The following LRRTM3 variants were observed in gnomAD, a reference collection of about 807,000 sequenced individuals.
The protein encoded by LRRTM3 is leucine rich repeat transmembrane neuronal 3.
Under a neutral mutation model 44.7 loss-of-function variants are expected in LRRTM3, and 24 were observed. The observed-to-expected ratio is 0.54, with a 90% CI of 0.39 to 0.76. The LOEUF (loss-of-function observed/expected upper bound fraction) is 0.76. LRRTM3 is among the 30% of genes least tolerant of loss of function. The pLI, the probability that LRRTM3 is intolerant of heterozygous loss-of-function variation, is 0.00. For missense variants in LRRTM3, 587 were observed against 702.2 expected (o/e 0.84, Z 1.85); for synonymous variants, 277 against 278.7 (o/e 0.99, Z 0.06).
At chr10:66,937,630 T>C (rs542452712) in intron 2 of LRRTM3, among the ~76,000 whole-genome samples, 1 of 152,222 alleles carries the variant, frequency 6.6e-6, no homozygotes, top group South Asian at 2.1e-4. Context: ...TGGTAGTACA[T>C]AAAACCAATG....
intron 2 of LRRTM3, among the ~76,000 whole-genome samples, chr10:66,933,780 A>G (rs1353983153): frequency 6.6e-6 from 1 of 152,214 alleles, no homozygotes; most frequent in Non-Finnish European, 1.5e-5. Flanking sequence ...GCAAAATTAC[A>G]TCATTAATTC....
intron 2 of LRRTM3, among the ~76,000 whole-genome samples, chr10:66,957,401 TATATATATATATGC>T (rs1190642995): frequency 2.6e-4 from 8 of 30,612 alleles, no homozygotes; most frequent in African/African-American, 1.9e-3. Context: ...TACATATATA[TATATATATATATGC>T]ATATATATAT....
intron 2 of LRRTM3, among the ~76,000 whole-genome samples, chr10:66,956,258 G>T (rs1848787049): frequency 6.6e-6 from 1 of 151,250 alleles, no homozygotes; most frequent in Non-Finnish European, 1.5e-5. Context: ...GTTTCAATAA[G>T]CCAGACCCAG....
chr10:67,097,507 C>G, intron 2 of LRRTM3, 80 bp from the exon 3 acceptor site: 1 of 1,274,070 alleles, frequency 7.8e-7, no homozygotes, highest in Non-Finnish European at 1.1e-6. Flanking sequence ...TTAGTCAGGT[C>G]AGCACTTCAG....
intron 2 of LRRTM3, among the ~76,000 whole-genome samples, chr10:67,037,318 C>T (rs1032924748): frequency 2.7e-5 from 4 of 149,280 alleles, no homozygotes; most frequent in Non-Finnish European, 4.4e-5. Context: ...TCAGCAAAAT[C>T]ATATTCAGCA....
chr10:66,986,898 A>C (rs552719831), intron 2 of LRRTM3, among the ~76,000 whole-genome samples: 11 of 152,278 alleles, frequency 7.2e-5, no homozygotes, highest in Non-Finnish European at 1.2e-4. Flanking sequence ...AAGTGCACCA[A>C]ATAGCCAAAA....
rs1858168984 is a variant in LRRTM3 at position 67,098,913 on chromosome 10, T to C, written c.*1117T>C. 1 of 151,924 alleles carries C rather than the reference T, an allele frequency of 6.6e-6. No homozygotes were observed. Among genetic ancestry groups the C allele is most frequent in the South Asian group, 2.1e-4 (1 of 4,824 alleles). 9.4% of individuals were successfully genotyped at this position (151,924 alleles called of 1,614,324 possible). A position where few individuals can be genotyped will look rare whatever the true frequency, so the allele number is the denominator to read the frequency against. On this transcript the variant is annotated 3_prime_UTR_variant, in exon 3 of 3. Transcript: ENST00000361320. ...ATTTAGAACTGTGAGACCGGTATTT[T>C]GGAAACATTTCAAAGGAAACATATG... is the stretch of plus-strand genomic sequence containing the variant.
chr10:67,040,977 G>A (rs995163962), intron 2 of LRRTM3, among the ~76,000 whole-genome samples: 5 of 151,914 alleles, frequency 3.3e-5, no homozygotes, highest in African/African-American at 1.2e-4. Context: ...GGTGATATAA[G>A]CATTTTATAC....
chr10:67,062,164 A>T (rs909136280), intron 2 of LRRTM3, among the ~76,000 whole-genome samples: 2 of 148,934 alleles, frequency 1.3e-5, no homozygotes, highest in Non-Finnish European at 3.0e-5. Flanking sequence ...TGATATTTGT[A>T]TCCCCATTTT....
intron 2 of LRRTM3, among the ~76,000 whole-genome samples, chr10:66,962,074 G>T (rs553963154): frequency 6.6e-6 from 1 of 152,176 alleles, no homozygotes; most frequent in East Asian, 1.9e-4. Flanking sequence ...TTGAAGTAAG[G>T]CTTCCACCTT....
At chr10:67,059,079 G>A (rs1855607715) in intron 2 of LRRTM3, among the ~76,000 whole-genome samples, 1 of 152,144 alleles carries the variant, frequency 6.6e-6, no homozygotes. Context: ...ACACACAAAT[G>A]AGTCCACTTA....
chr10:66,951,203 C>T (rs1848523375), intron 2 of LRRTM3, among the ~76,000 whole-genome samples: 1 of 151,680 alleles, frequency 6.6e-6, no homozygotes, highest in African/African-American at 2.4e-5. Flanking sequence ...GCAACCTCTG[C>T]CTCCTGGGTT....
intron 2 of LRRTM3, among the ~76,000 whole-genome samples, chr10:67,027,504 G>A (rs1853466349): frequency 2.8e-5 from 4 of 140,684 alleles, no homozygotes; most frequent in Admixed American, 2.3e-4. Flanking sequence ...GTGTGATCTC[G>A]GCTCACTGCA....
intron 2 of LRRTM3, among the ~76,000 whole-genome samples, chr10:66,968,094 G>T (rs1249238670): frequency 6.6e-6 from 1 of 152,016 alleles, no homozygotes; most frequent in Non-Finnish European, 1.5e-5. Context: ...TGACTGCTGA[G>T]CCTGAAAAAC....
At position 66,932,698 on chromosome 10, in the gene LRRTM3, TAAAGAAA is replaced by T. The variant is rs573008347; in HGVS notation, c.1536+4247_1536+4253del. Among the ~76,000 whole-genome samples the T allele has an allele frequency of 6.3e-3, 958 of 151,524 alleles. 6 individuals carry two copies. Among genetic ancestry groups the T allele is most frequent in the Middle Eastern group, 0.031 (9 of 294 alleles). On this transcript the variant is annotated intron_variant, in intron 2 of 2. Transcript: ENST00000361320. ...CAAATAGCTCTAATTAAAAATGAAT[TAAAGAAA>T]TAATAATAATACATAGGTGAAAGTC...
intron 2 of LRRTM3, among the ~76,000 whole-genome samples, chr10:66,938,354 C>T (rs1419834558): frequency 1.3e-5 from 2 of 151,932 alleles, no homozygotes; most frequent in Non-Finnish European, 2.9e-5. Context: ...ATATTGTTGA[C>T]CAGAAGCCTT....
intron 2 of LRRTM3, among the ~76,000 whole-genome samples, chr10:66,993,772 T>C (rs1028846200): frequency 1.3e-5 from 2 of 152,082 alleles, no homozygotes; most frequent in African/African-American, 2.4e-5. Flanking sequence ...AATTAAAATA[T>C]TTATGACCTT....
intron 2 of LRRTM3, among the ~76,000 whole-genome samples, chr10:66,931,788 AAT>A (rs1388429037): frequency 6.6e-6 from 1 of 152,196 alleles, no homozygotes; most frequent in Non-Finnish European, 1.5e-5. Context: ...GAAGGCTAGA[AAT>A]AAGTGTCCAA....
chr10:66,966,268 T>C (rs745730913), intron 2 of LRRTM3, among the ~76,000 whole-genome samples: 1 of 152,166 alleles, frequency 6.6e-6, no homozygotes, highest in Non-Finnish European at 1.5e-5. Context: ...TTTTAAATTA[T>C]GTGTAGACAA....
Sources: gnomAD v4.1 joint callset for allele counts (sites outside exome capture counted in the v4.1 genomes callset) on GRCh38, gnomAD v4.1.1 for gene constraint, MANE v1.5 for transcripts, NCBI Gene and HGNC (gene_info 2026-07-23, HGNC 2026-07-21) for gene names.